The following PKIB variants were observed in gnomAD, a reference collection of about 807,000 sequenced individuals.
PKIB encodes the protein cAMP-dependent protein kinase inhibitor beta.
In PKIB, 2 loss-of-function variants were observed where a neutral mutation model predicts 4.5. The observed-to-expected ratio is 0.44, with a 90% CI of 0.18 to 1.39. PKIB has a LOEUF of 1.39. PKIB is among the 40% of genes most tolerant of loss of function. The probability of loss-of-function intolerance (pLI) is 0.27; values close to 1 mark genes in which losing one functional copy is unlikely to be tolerated. For synonymous variants in PKIB, 38 were observed against 36.0 expected (o/e 1.06, Z -0.20); for missense variants, 94 against 92.6 (o/e 1.02, Z -0.06).
intron 3 of PKIB, among the ~76,000 whole-genome samples, chr6:122,683,826 C>G (rs545980564): frequency 9.1e-4 from 138 of 152,166 alleles, no homozygotes; most frequent in Non-Finnish European, 3.5e-4. Context: ...CCTAAACTAA[C>G]AATAAGGCTA....
intron 1 of PKIB, among the ~76,000 whole-genome samples, chr6:122,613,793 GTC>G (rs1228319685): frequency 6.6e-5 from 10 of 151,602 alleles, no homozygotes; most frequent in African/African-American, 2.4e-4. Flanking sequence ...GTGAAACCCC[GTC>G]TCTCTAAAAA....
chr6:122,648,962 C>G (rs903284986), intron 2 of PKIB, among the ~76,000 whole-genome samples: 2 of 152,176 alleles, frequency 1.3e-5, no homozygotes, highest in Non-Finnish European at 2.9e-5. Context: ...TCCCCATGGC[C>G]ATTGTTCACA....
intron 3 of PKIB, among the ~76,000 whole-genome samples, chr6:122,601,125 A>G (rs1234360701): frequency 1.3e-5 from 2 of 152,042 alleles, no homozygotes; most frequent in African/African-American, 4.8e-5. Flanking sequence ...AAACACAGAA[A>G]GAAAAAGGGC....
intron 2 of PKIB, among the ~76,000 whole-genome samples, chr6:122,485,727 A>T (rs1223427925): frequency 6.6e-6 from 1 of 152,240 alleles, no homozygotes; most frequent in African/African-American, 2.4e-5. Context: ...AAGCGGAAGG[A>T]TGGTGGCAGA....
intron 2 of PKIB, among the ~76,000 whole-genome samples, chr6:122,652,313 TGTGTGTGTGTGTGTGTGTGTGGAG>T (rs1776588264): frequency 8.1e-6 from 1 of 122,866 alleles, no homozygotes; most frequent in Admixed American, 9.1e-5. Flanking sequence ...TGTGTGTGTG[TGTGTGTGTGTGTGTGTGTGTGGAG>T]AGAGAGAGAT....
Position 122,708,726 on chromosome 6 carries a change from C to T in PKIB, c.-8-9061C>T, listed in dbSNP as rs547605857. 8.5e-5 allele frequency among the ~76,000 whole-genome samples: 13 copies of T among 152,202 alleles called. 1 individual carries two copies. Among genetic ancestry groups the T allele is most frequent in the East Asian group, 3.9e-4 (2 of 5,180 alleles). On this transcript the variant is annotated intron_variant, in intron 3 of 4. Coordinates refer to ENST00000368452, the MANE Select transcript of PKIB (RefSeq NM_181795.3). ...TCAGGTCACTGCAACCTCCTCCTCCCGGGTTCAAGTGATTCTACTGCCTCA... is the reference window on the plus strand; with the variant it reads ...TCAGGTCACTGCAACCTCCTCCTCCTGGGTTCAAGTGATTCTACTGCCTCA...
At chr6:122,603,026 G>C (rs1774426775) in intron 3 of PKIB, among the ~76,000 whole-genome samples, 1 of 151,062 alleles carries the variant, frequency 6.6e-6, no homozygotes, top group Admixed American at 6.6e-5. Context: ...TTTAAAAGAG[G>C]CTAACTTTTA....
At chr6:122,545,640 G>A (rs946564341) in intron 2 of PKIB, among the ~76,000 whole-genome samples, 1 of 150,786 alleles carries the variant, frequency 6.6e-6, no homozygotes, top group African/African-American at 2.5e-5. Flanking sequence ...TCCCTTCTTT[G>A]TGGAGGGTGG....
intron 2 of PKIB, among the ~76,000 whole-genome samples, chr6:122,648,811 A>G (rs1776427181): frequency 6.6e-6 from 1 of 152,192 alleles, no homozygotes; most frequent in South Asian, 2.1e-4. Context: ...CCAGGGAATG[A>G]TACCATATTG....
chr6:122,485,223 T>C (rs888035038), intron 2 of PKIB, among the ~76,000 whole-genome samples: 4 of 152,024 alleles, frequency 2.6e-5, no homozygotes, highest in African/African-American at 9.7e-5. Context: ...TTTTTTTTTT[T>C]CCTGGAATGT....
intron 2 of PKIB, among the ~76,000 whole-genome samples, chr6:122,648,029 C>T (rs1404441966): frequency 3.3e-5 from 5 of 152,254 alleles, no homozygotes; most frequent in Admixed American, 1.3e-4. Context: ...TCATCCTTAC[C>T]TCCACTGCGT....
chr6:122,702,326 C>CTTTT lies in PKIB; in HGVS notation c.-8-15443_-8-15440dup, dbSNP rs112095053. The stretch of plus-strand genomic sequence containing the variant: ...GGTCTCAGGTAATTTTTTAAAAAAA[C>CTTTT]TTTTTTTTTTTTTTTTTTTTTGAGA... On this transcript the variant is annotated intron_variant, in intron 3 of 4. Coordinates refer to ENST00000368452, the MANE Select transcript of PKIB (RefSeq NM_181795.3). Among the ~76,000 whole-genome samples, 9 of 97,258 alleles carry CTTTT rather than the reference C, an allele frequency of 9.3e-5. 2 individuals carry two copies. Among genetic ancestry groups the CTTTT allele is most frequent in the South Asian group, 7.6e-4 (2 of 2,636 alleles). 63.8% of individuals were successfully genotyped at this position (97,258 alleles called of 152,430 possible). A position where few individuals can be genotyped will look rare whatever the true frequency, so the allele number is the denominator to read the frequency against.
intron 2 of PKIB, among the ~76,000 whole-genome samples, chr6:122,538,393 A>G (rs1203652687): frequency 6.6e-6 from 1 of 152,142 alleles, no homozygotes; most frequent in East Asian, 1.9e-4. Context: ...AGCTTTCTAC[A>G]TATGGCTAGC....
intron 2 of PKIB, among the ~76,000 whole-genome samples, chr6:122,541,937 C>T (rs1430518209): frequency 4.6e-5 from 7 of 151,974 alleles, no homozygotes; most frequent in Admixed American, 6.6e-5. Context: ...TTCATTTCGT[C>T]TTCTATCACT....
intron 2 of PKIB, among the ~76,000 whole-genome samples, chr6:122,492,277 G>C (rs1457674479): frequency 1.3e-5 from 2 of 152,186 alleles, no homozygotes; most frequent in Non-Finnish European, 2.9e-5. Flanking sequence ...ATCTCTGGTT[G>C]TTCGTGGGTA....
intron 2 of PKIB, chr6:122,479,984 A>G (rs1350386471): frequency 2.0e-5 from 3 of 152,166 alleles, no homozygotes; most frequent in African/African-American, 4.8e-5. Context: ...AACAATGAGT[A>G]TATTTGTAGA....
chr6:122,543,525 G>A (rs898380173), intron 2 of PKIB, among the ~76,000 whole-genome samples: 1 of 151,782 alleles, frequency 6.6e-6, no homozygotes, highest in Non-Finnish European at 1.5e-5. Context: ...GATTATAGGT[G>A]CCTGCAACCA....
intron 3 of PKIB, among the ~76,000 whole-genome samples, chr6:122,679,810 C>T (rs113650750): frequency 6.6e-6 from 1 of 152,140 alleles, no homozygotes; most frequent in African/African-American, 2.4e-5. Flanking sequence ...GAATCACGTA[C>T]ATTGTCACAC....
At chr6:122,576,734 C>A in intron 2 of PKIB, among the ~76,000 whole-genome samples, 2 of 125,488 alleles carry the variant, frequency 1.6e-5, no homozygotes, top group Non-Finnish European at 1.6e-5. Flanking sequence ...AATTATACCT[C>A]AGTAAAGTTA....
Sources: allele counts gnomAD v4.1 joint callset (sites outside exome capture counted in the v4.1 genomes callset), GRCh38; gene constraint gnomAD v4.1.1; transcripts MANE v1.5; gene names NCBI Gene and HGNC (gene_info 2026-07-23, HGNC 2026-07-21).